DNER: variants seen among roughly 807,000 people sequenced by gnomAD.
The protein encoded by DNER is delta and Notch-like epidermal growth factor-related receptor.
DNER carries 33 observed loss-of-function variants against 78.2 expected under a neutral mutation model. The observed-to-expected ratio is 0.42, with a 90% CI of 0.32 to 0.56. DNER has a LOEUF of 0.56. Ranked by LOEUF, DNER falls within the 20% of genes least tolerant of loss-of-function variation. The pLI, the probability that DNER is intolerant of heterozygous loss-of-function variation, is 0.11. For missense variants in DNER, 918 were observed against 975.3 expected (o/e 0.94, Z 0.78); for synonymous variants, 417 against 384.8 (o/e 1.08, Z -0.98).
intron 6 of DNER, among the ~76,000 whole-genome samples, chr2:229,480,650 G>C (rs1248258726): frequency 6.6e-6 from 1 of 152,052 alleles, no homozygotes; most frequent in African/African-American, 2.4e-5. Context: ...TAACAGCTTC[G>C]GGACCTCACT....
chr2:229,618,966 T>C (rs927149944), intron 1 of DNER, among the ~76,000 whole-genome samples: 1 of 152,094 alleles, frequency 6.6e-6, no homozygotes, highest in South Asian at 2.1e-4. Flanking sequence ...AGACTCCCTC[T>C]ACACCCACTC....
intron 1 of DNER, among the ~76,000 whole-genome samples, chr2:229,626,821 T>C (rs1433190243): frequency 2.0e-5 from 3 of 152,230 alleles, no homozygotes; most frequent in Non-Finnish European, 4.4e-5. Context: ...TACAACATAT[T>C]GTCCACACAG....
chr2:229,531,244 G>A (rs1190153161), intron 5 of DNER, among the ~76,000 whole-genome samples: 1 of 152,152 alleles, frequency 6.6e-6, no homozygotes, highest in Admixed American at 6.5e-5. Context: ...TTCCAGGAGT[G>A]CTGCTCTCAA....
chr2:229,480,983 G>A (rs1395510316), intron 6 of DNER, among the ~76,000 whole-genome samples: 2 of 152,232 alleles, frequency 1.3e-5, no homozygotes, highest in African/African-American at 4.8e-5. Context: ...GGACTGGGGT[G>A]TAGGAGGAAG....
chr2:229,385,691 G>A (rs1692849035), intron 11 of DNER, among the ~76,000 whole-genome samples: 2 of 152,092 alleles, frequency 1.3e-5, no homozygotes, highest in Non-Finnish European at 2.9e-5. Context: ...GACAAACAGA[G>A]AGCCAAATCA....
intron 12 of DNER, among the ~76,000 whole-genome samples, chr2:229,364,335 C>T (rs1398767179): frequency 6.6e-6 from 1 of 152,112 alleles, no homozygotes; most frequent in Non-Finnish European, 1.5e-5. Context: ...TCATTTCAAA[C>T]CTCAAATGTT....
intron 1 of DNER, among the ~76,000 whole-genome samples, chr2:229,662,168 A>C (rs1302917755): frequency 6.6e-6 from 1 of 152,222 alleles, no homozygotes; most frequent in Non-Finnish European, 1.5e-5. Context: ...CCCATTGGTT[A>C]GAAAAGAACA....
intron 10 of DNER, among the ~76,000 whole-genome samples, chr2:229,403,866 G>C (rs985674616): frequency 2.6e-5 from 4 of 152,154 alleles, no homozygotes; most frequent in African/African-American, 7.2e-5. Flanking sequence ...AGGGGCCCAG[G>C]ACAAGGCTGG....
chr2:229,410,558 C>T (rs2106345656), intron 9 of DNER, among the ~76,000 whole-genome samples: 1 of 152,308 alleles, frequency 6.6e-6, no homozygotes, highest in African/African-American at 2.4e-5. Context: ...ATGCATCACC[C>T]ATTGGCAGAA....
intron 4 of DNER, among the ~76,000 whole-genome samples, chr2:229,567,002 C>T (rs979110336): frequency 1.3e-5 from 2 of 152,202 alleles, no homozygotes; most frequent in South Asian, 2.1e-4. Flanking sequence ...CACATCTCCA[C>T]CACCTTCCTC....
intron 4 of DNER, among the ~76,000 whole-genome samples, chr2:229,576,496 G>A (rs1220700196): frequency 2.0e-5 from 3 of 152,122 alleles, no homozygotes; most frequent in Non-Finnish European, 4.4e-5. Context: ...ATTAGGAAAT[G>A]GCAGAATAAC....
At chr2:229,469,908 C>T (rs941793288) in intron 7 of DNER, among the ~76,000 whole-genome samples, 1 of 152,160 alleles carries the variant, frequency 6.6e-6, no homozygotes, top group Non-Finnish European at 1.5e-5. Flanking sequence ...CGCGCCATTG[C>T]ACTCCAGTCT....
intron 7 of DNER, among the ~76,000 whole-genome samples, chr2:229,458,906 T>C (rs997552354): frequency 6.6e-6 from 1 of 151,962 alleles, no homozygotes; most frequent in African/African-American, 2.4e-5. Flanking sequence ...AACTAATAGG[T>C]AAATTTAGCA....
At chr2:229,403,082 A>G (rs983499649) in intron 10 of DNER, among the ~76,000 whole-genome samples, 9 of 152,230 alleles carry the variant, frequency 5.9e-5, no homozygotes, top group African/African-American at 1.9e-4. Context: ...TAAATATGAC[A>G]TTGGATTGAG....
intron 4 of DNER, among the ~76,000 whole-genome samples, chr2:229,577,956 T>C (rs1436234123): frequency 6.6e-6 from 1 of 152,214 alleles, no homozygotes; most frequent in Non-Finnish European, 1.5e-5. Flanking sequence ...TAACTTACTC[T>C]ATAAGATCTG....
intron 1 of DNER, among the ~76,000 whole-genome samples, chr2:229,701,207 A>G (rs1699741631): frequency 6.6e-6 from 1 of 152,230 alleles, no homozygotes. Flanking sequence ...GCTACCCTTA[A>G]AAGGACCCAT....
At chr2:229,652,132 C>T (rs1215059563) in intron 1 of DNER, among the ~76,000 whole-genome samples, 1 of 152,132 alleles carries the variant, frequency 6.6e-6, no homozygotes, top group Admixed American at 6.5e-5. Flanking sequence ...AAAAAAGGAG[C>T]CCTGCCCCCT....
chr2:229,502,219 T>A (rs1475039032), intron 6 of DNER, among the ~76,000 whole-genome samples: 1 of 152,120 alleles, frequency 6.6e-6, no homozygotes, highest in Non-Finnish European at 1.5e-5. Context: ...GTAGAACCCA[T>A]CAGTGCCCAT....
chr2:229,615,743 C>A (rs1295873141), intron 1 of DNER, among the ~76,000 whole-genome samples: 2 of 151,858 alleles, frequency 1.3e-5, no homozygotes, highest in African/African-American at 4.8e-5. Flanking sequence ...TTGTAGAGGA[C>A]AAAGTGTCAC....
Sources: allele counts gnomAD v4.1 joint callset (sites outside exome capture counted in the v4.1 genomes callset), GRCh38; gene constraint gnomAD v4.1.1; transcripts MANE v1.5; gene names NCBI Gene and HGNC (gene_info 2026-07-23, HGNC 2026-07-21).